Variants in NTRK2 observed in about 807,000 individuals in gnomAD.
NTRK2 encodes the protein neurotrophic receptor tyrosine kinase 2, also known as BDNF/NT-3 growth factors receptor.
A neutral mutation model predicts 94.5 loss-of-function variants in NTRK2; 13 were observed. That is an observed-to-expected ratio of 0.14 (90% confidence interval 0.09 to 0.22). The LOEUF (loss-of-function observed/expected upper bound fraction) is 0.22. Among genes scored for constraint, NTRK2 ranks in the 10% least tolerant of loss-of-function variants. NTRK2 has a pLI of 1.00. For synonymous variants in NTRK2, 372 were observed against 407.4 expected (o/e 0.91, Z 1.05); for missense variants, 639 against 1,071.2 (o/e 0.60, Z 5.63).
At chr9:84,985,360 G>A (rs761270171) in intron 17 of NTRK2, among the ~76,000 whole-genome samples, 1 of 152,176 alleles carries the variant, frequency 6.6e-6, no homozygotes, top group Non-Finnish European at 1.5e-5. Flanking sequence ...CTCTGGGCAC[G>A]TTATAGGGGC....
intron 17 of NTRK2, among the ~76,000 whole-genome samples, chr9:85,013,405 C>T (rs191612884): frequency 5.3e-5 from 8 of 152,170 alleles, no homozygotes; most frequent in Admixed American, 3.3e-4. Flanking sequence ...CGGGTTCAAA[C>T]GGTTCTCCTG....
At chr9:84,745,186 T>C (rs1254268890) in intron 11 of NTRK2, 113 bp downstream of exon 11, 1 of 693,954 alleles carries the variant, frequency 1.4e-6, no homozygotes, top group African/African-American at 3.0e-5. Context: ...ATAAATAGGG[T>C]GTTAACACCT....
intron 11 of NTRK2, among the ~76,000 whole-genome samples, chr9:84,750,635 G>T (rs1368987826): frequency 6.6e-6 from 1 of 152,210 alleles, no homozygotes; most frequent in African/African-American, 2.4e-5. Context: ...ATCATTGGCT[G>T]CTTTCATGCT....
At chr9:84,808,123 G>A (rs1049789041) in intron 12 of NTRK2, among the ~76,000 whole-genome samples, 8 of 152,204 alleles carry the variant, frequency 5.3e-5, no homozygotes, top group African/African-American at 1.9e-4. Flanking sequence ...GTTGCAGAGG[G>A]ACACTTGACA....
At chr9:84,812,513 C>T in intron 12 of NTRK2, 1 of 1,047,742 alleles carries the variant, frequency 9.5e-7, no homozygotes, top group Non-Finnish European at 1.2e-6. Flanking sequence ...CAGTTTCTGT[C>T]ATTACTTAGA....
chr9:84,736,763 TA>T (rs1178626727), intron 9 of NTRK2, among the ~76,000 whole-genome samples: 4 of 152,218 alleles, frequency 2.6e-5, no homozygotes, highest in African/African-American at 9.6e-5. Flanking sequence ...GAGCCAATGC[TA>T]TTATCCTCTC....
intron 14 of NTRK2, among the ~76,000 whole-genome samples, chr9:84,870,488 C>T (rs972035286): frequency 1.7e-4 from 26 of 150,010 alleles, no homozygotes; most frequent in Admixed American, 2.0e-4. Context: ...AGGTACACAC[C>T]GTCATGTCTG....
intron 12 of NTRK2, among the ~76,000 whole-genome samples, chr9:84,799,175 G>A (rs987043493): frequency 2.0e-4 from 31 of 151,868 alleles, no homozygotes; most frequent in African/African-American, 7.5e-4. Context: ...AGAGATGCAG[G>A]TTGGCATTCC....
At chr9:84,701,036 G>A (rs867348862) in intron 2 of NTRK2, among the ~76,000 whole-genome samples, 1 of 152,176 alleles carries the variant, frequency 6.6e-6, no homozygotes, top group Non-Finnish European at 1.5e-5. Context: ...AAGACATTGT[G>A]ATCTAAGAAA....
chr9:84,857,896 G>A (rs2075143365), intron 12 of NTRK2, among the ~76,000 whole-genome samples: 1 of 152,074 alleles, frequency 6.6e-6, no homozygotes, highest in Non-Finnish European at 1.5e-5. Flanking sequence ...TGCCAACTGA[G>A]GGTGTTGCCT....
chr9:85,020,003 AT>A (rs1156917878), intron 17 of NTRK2, among the ~76,000 whole-genome samples: 1 of 152,100 alleles, frequency 6.6e-6, no homozygotes, highest in African/African-American at 2.4e-5. Flanking sequence ...TGCAGATAAT[AT>A]TTTTTTAAAT....
At chr9:84,874,540 GT>G in intron 14 of NTRK2, 1 of 1,065,142 alleles carries the variant, frequency 9.4e-7, no homozygotes, top group South Asian at 4.6e-5. Flanking sequence ...GTTTTTGTTT[GT>G]TTTTGTTTAG....
chr9:84,724,998 A>G (rs928781753), intron 8 of NTRK2, among the ~76,000 whole-genome samples: 3 of 152,214 alleles, frequency 2.0e-5, no homozygotes, highest in African/African-American at 7.2e-5. Flanking sequence ...TACAATATAC[A>G]TTTTGAAATT....
At chr9:84,926,474 T>G (rs1454842727) in intron 14 of NTRK2, among the ~76,000 whole-genome samples, 1 of 151,906 alleles carries the variant, frequency 6.6e-6, no homozygotes, top group Non-Finnish European at 1.5e-5. Flanking sequence ...TCAGGTGATC[T>G]GCCCTCCTCG....
At chr9:84,828,141 G>A (rs1038819104) in intron 12 of NTRK2, among the ~76,000 whole-genome samples, 3 of 152,158 alleles carry the variant, frequency 2.0e-5, no homozygotes, top group African/African-American at 7.2e-5. Context: ...CAGAATCGGA[G>A]CTGTCATTCT....
chr9:85,025,002 A>T lies in NTRK2; in HGVS notation c.*3565A>T, dbSNP rs908572979. ...TATAAATTTATAGGCACACAATAATAGAGGTAATTATAAGTAGGATGCGGT... is the reference window on the plus strand; with the variant it reads ...TATAAATTTATAGGCACACAATAATTGAGGTAATTATAAGTAGGATGCGGT... On this transcript the variant is annotated 3_prime_UTR_variant, in exon 19 of 19. Coordinates refer to ENST00000277120, the MANE Select transcript of NTRK2 (RefSeq NM_006180.6). The T allele has an allele frequency of 7.7e-5, 18 of 233,028 alleles. No homozygotes were observed. The highest frequency in any genetic ancestry group is 1.3e-4 in the Non-Finnish European group (15 of 117,978). 14.4% of individuals were successfully genotyped at this position (233,028 alleles called of 1,614,324 possible). A position where few individuals can be genotyped will look rare whatever the true frequency, so the allele number is the denominator to read the frequency against.
At chr9:84,998,108 T>C (rs1168518688) in intron 17 of NTRK2, among the ~76,000 whole-genome samples, 1 of 152,196 alleles carries the variant, frequency 6.6e-6, no homozygotes, top group African/African-American at 2.4e-5. Flanking sequence ...TTGGAAGTGT[T>C]GGGATCTTTA....
Position 84,670,827 on chromosome 9 carries a change from A to G in NTRK2, c.79A>G (p.Arg27Gly), listed in dbSNP as rs1181332313. The G allele has an allele frequency of 9.9e-6, 16 of 1,613,896 alleles. No homozygotes were observed. Among genetic ancestry groups the G allele is most frequent in the Non-Finnish European group, 1.2e-5 (14 of 1,180,020 alleles). The stretch of plus-strand genomic sequence containing the variant: ...CTGCTGGCTGGTTGTGGGCTTCTGG[A>G]GGGCCGCTTTCGCCTGTCCCACGTC... ...GFCWLVVGFW[R>G]AAFACPTSCK... The change falls in exon 2 of 19, where the codon AGG (arginine) becomes GGG (glycine). Residue 27 changes from arginine to glycine, a missense_variant. Physicochemically the swap from Arg to Gly is moderately radical, Grantham distance 125. Around this residue, in one of 5 missense-constraint regions of NTRK2, gnomAD observed 206 missense variants for 251.5 expected, o/e 0.82. Coordinates refer to ENST00000277120, the MANE Select transcript of NTRK2 (RefSeq NM_006180.6).
At chr9:84,885,768 C>T (rs2076394000) in intron 14 of NTRK2, among the ~76,000 whole-genome samples, 1 of 152,208 alleles carries the variant, frequency 6.6e-6, no homozygotes, top group African/African-American at 2.4e-5. Context: ...TGGCTCACGC[C>T]TGTAATCTCA....
Sources: allele counts gnomAD v4.1 joint callset (sites outside exome capture counted in the v4.1 genomes callset), GRCh38; gene constraint gnomAD v4.1.1; regional missense constraint gnomAD v4.1.1; transcripts MANE v1.5; gene names NCBI Gene and HGNC (gene_info 2026-07-23, HGNC 2026-07-21).